The following AFDN variants were observed in gnomAD, a reference collection of about 807,000 sequenced individuals.
AFDN encodes the protein afadin.
AFDN carries 68 observed loss-of-function variants against 216.6 expected under a neutral mutation model. That is an observed-to-expected ratio of 0.31 (90% CI 0.26 to 0.38). AFDN has a LOEUF of 0.38. Among genes scored for constraint, AFDN ranks in the 10% least tolerant of loss-of-function variants. The pLI, the probability that AFDN is intolerant of heterozygous loss-of-function variation, is 1.00. For synonymous variants in AFDN, 868 were observed against 853.7 expected, an observed-to-expected ratio of 1.02 and a Z score of -0.29; for missense variants, 2,136 against 2,342.0, an observed-to-expected ratio of 0.91 and a Z score of 1.82.
At chr6:167,948,841 C>A (rs918371312) in intron 29 of AFDN, among the ~76,000 whole-genome samples, 1 of 152,188 alleles carries the variant, frequency 6.6e-6, no homozygotes, top group African/African-American at 2.4e-5. Context: ...GAGACAGACA[C>A]AACAGACACA....
chr6:167,900,535 G>T (rs1041809774), intron 11 of AFDN, among the ~76,000 whole-genome samples: 5 of 152,148 alleles, frequency 3.3e-5, no homozygotes, highest in African/African-American at 4.8e-5. Context: ...CACTTTGGTT[G>T]GTCTTGTCCA....
chr6:167,856,782 T>G (rs989099068), intron 1 of AFDN, among the ~76,000 whole-genome samples: 1 of 152,108 alleles, frequency 6.6e-6, no homozygotes, highest in Non-Finnish European at 1.5e-5. Flanking sequence ...AAACAGAAAC[T>G]TTCAATTTGT....
intron 28 of AFDN, 166 bp from the exon 29 acceptor site, chr6:167,948,127 A>G: frequency 1.3e-6 from 1 of 778,468 alleles, no homozygotes; most frequent in Non-Finnish European, 2.0e-6. Context: ...TTAAATTAAT[A>G]AGTCTGGGCA....
chr6:167,911,193 A>G (rs1166360075), intron 14 of AFDN, 31 bp downstream of exon 14: 1 of 1,608,452 alleles, frequency 6.2e-7, no homozygotes, highest in Non-Finnish European at 8.5e-7. Context: ...TTGTCAATGA[A>G]TTATTTCTTG....
At chr6:167,841,557 A>C (rs936304512) in intron 1 of AFDN, among the ~76,000 whole-genome samples, 1 of 152,186 alleles carries the variant, frequency 6.6e-6, no homozygotes, top group South Asian at 2.1e-4. Flanking sequence ...GTCACCTACT[A>C]AACTTCGTCC....
At chr6:167,890,696 G>A (rs146490390) in intron 7 of AFDN, among the ~76,000 whole-genome samples, 166 bp from the exon 8 acceptor site, 2 of 152,096 alleles carry the variant, frequency 1.3e-5, no homozygotes, top group East Asian at 3.9e-4. Context: ...TATTTCCTCT[G>A]TTGAGTGAAA....
Position 167,835,575 on chromosome 6 carries a change from A to C in AFDN, c.105+8338A>C, listed in dbSNP as rs530886309. On this transcript the variant is annotated intron_variant, in intron 1 of 33. Coordinates refer to ENST00000683244, the MANE Select transcript of AFDN (RefSeq NM_001386888.1). ...TCAGTCATTTTTTTCTGTTGTACCA[A>C]AGACATTCTTAAGTGAAACTGGCTT... 6.6e-5 allele frequency among the ~76,000 whole-genome samples: 10 copies of C among 152,336 alleles called. No individual in the cohort carries two copies. The East Asian group carries it at 1.9e-3, about 29-fold the overall frequency.
intron 20 of AFDN, 120 bp downstream of exon 20, chr6:167,917,352 G>C: frequency 9.1e-7 from 1 of 1,101,210 alleles, no homozygotes; most frequent in Non-Finnish European, 1.2e-6. Flanking sequence ...CATCTTACAA[G>C]ATCATTTTCG....
At position 167,844,849 on chromosome 6, in the gene AFDN, CTT is replaced by C. The variant is rs67495555; in HGVS notation, c.105+17632_105+17633del. ...TTGAGAATGAGCATCCTTTTCTTTTCTTTTTTTTTTTTTTTTTTTTTGGTTTT... is the reference window on the plus strand; with the variant it reads ...TTGAGAATGAGCATCCTTTTCTTTTCTTTTTTTTTTTTTTTTTTTGGTTTT... On this transcript the variant is annotated intron_variant, in intron 1 of 33. Coordinates refer to ENST00000683244, the MANE Select transcript of AFDN (RefSeq NM_001386888.1). Among the ~76,000 whole-genome samples the C allele has an allele frequency of 6.4e-4, 82 of 127,670 alleles. 1 individual carries two copies. Among genetic ancestry groups the C allele is most frequent in the South Asian group, 3.6e-3 (14 of 3,904 alleles). The allele number at this position is 127,670 out of a possible 152,430, so 83.8% of individuals were successfully genotyped here.
intron 1 of AFDN, among the ~76,000 whole-genome samples, chr6:167,838,871 T>A (rs1018936194): frequency 6.6e-6 from 1 of 152,244 alleles, no homozygotes; most frequent in African/African-American, 2.4e-5. Flanking sequence ...GCCTACCTGA[T>A]ATTGTGATGA....
chr6:167,917,259 A>G, intron 20 of AFDN, 27 bp downstream of exon 20: 5 of 1,469,550 alleles, frequency 3.4e-6, no homozygotes, highest in South Asian at 3.0e-5. Context: ...ACATTACCAC[A>G]CAGTGCGGGA....
At chr6:167,911,714 A>C (rs552215143) in intron 15 of AFDN, 14 of 529,208 alleles carry the variant, frequency 2.6e-5, no homozygotes, top group African/African-American at 3.8e-5. Flanking sequence ...AGTGAAGTTA[A>C]CTTGTAGTAA....
At chr6:167,937,577 C>T (rs1461217411) in intron 23 of AFDN, among the ~76,000 whole-genome samples, 1 of 68,994 alleles carries the variant, frequency 1.4e-5, no homozygotes, top group Non-Finnish European at 2.7e-5. Flanking sequence ...TGAAAACCTC[C>T]TTTTGTGACA....
In AFDN at chr6:167,907,155, C is replaced by G; in HGVS notation, c.1651-16C>G. On this transcript the variant is annotated splice_polypyrimidine_tract_variant and intron_variant, in intron 12 of 33. Transcript: ENST00000683244. ...TGTGTGAGGTTCTAAACCCGTTGTG[C>G]TTTCTCTCCATGTAGAGCACCACTA... 3.1e-6 allele frequency: 5 copies of G among 1,604,706 alleles called. No homozygotes were observed. Among genetic ancestry groups the G allele is most frequent in the Non-Finnish European group, 4.3e-6 (5 of 1,172,256 alleles).
At chr6:167,968,608 C>T (rs1242171660) in intron 32 of AFDN, 1 of 155,528 alleles carries the variant, frequency 6.4e-6, no homozygotes, top group Non-Finnish European at 1.4e-5. Flanking sequence ...TTTTCTAATG[C>T]TACAATTAAT....
intron 23 of AFDN, among the ~76,000 whole-genome samples, chr6:167,935,934 A>C (rs193270370): frequency 6.6e-6 from 1 of 152,198 alleles, no homozygotes; most frequent in African/African-American, 2.4e-5. Context: ...GAAAATCTAC[A>C]TTATTGGTGC....
intron 1 of AFDN, among the ~76,000 whole-genome samples, chr6:167,843,080 AG>A (rs1781251988): frequency 6.6e-6 from 1 of 152,208 alleles, no homozygotes; most frequent in Non-Finnish European, 1.5e-5. Context: ...GTAGGAATCA[AG>A]TGCACTTGGG....
chr6:167,935,857 G>A (rs1793932321), intron 23 of AFDN, among the ~76,000 whole-genome samples: 1 of 149,904 alleles, frequency 6.7e-6, no homozygotes, highest in Admixed American at 6.7e-5. Context: ...TCTTGTTTTT[G>A]CCATATTATC....
chr6:167,905,807 T>C (rs1026765693), intron 12 of AFDN, among the ~76,000 whole-genome samples: 2 of 152,222 alleles, frequency 1.3e-5, no homozygotes, highest in African/African-American at 4.8e-5. Flanking sequence ...ATTGTGTTTC[T>C]ATAAATCTGT....
Sources: gnomAD v4.1 joint callset for allele counts (sites outside exome capture counted in the v4.1 genomes callset) on GRCh38, gnomAD v4.1.1 for gene constraint, MANE v1.5 for transcripts, NCBI Gene and HGNC (gene_info 2026-07-23, HGNC 2026-07-21) for gene names.